The following GRM8 variants were observed in gnomAD, a reference collection of about 807,000 sequenced individuals.
GRM8 encodes the protein glutamate metabotropic receptor 8, also known as metabotropic glutamate receptor 8.
In GRM8, 47 loss-of-function variants were observed where a neutral mutation model predicts 87.2. The ratio of observed to expected loss-of-function variants is 0.54; its 90% CI spans 0.43 to 0.69. The LOEUF is 0.69. Ranked by LOEUF, GRM8 falls within the 30% of genes least tolerant of loss-of-function variation. GRM8 has a pLI of 0.00. For synonymous variants in GRM8, 396 were observed against 404.5 expected (o/e 0.98, Z 0.25); for missense variants, 1,019 against 1,139.2 (o/e 0.89, Z 1.52).
intron 7 of GRM8, among the ~76,000 whole-genome samples, chr7:126,674,520 T>C (rs2151314783): frequency 6.6e-6 from 1 of 152,322 alleles, no homozygotes; most frequent in African/African-American, 2.4e-5. Flanking sequence ...CTAAGAAATC[T>C]ATTATACTAT....
intron 7 of GRM8, among the ~76,000 whole-genome samples, chr7:126,662,572 A>G (rs974901643): frequency 3.9e-5 from 6 of 152,204 alleles, no homozygotes; most frequent in African/African-American, 7.2e-5. Context: ...AAAGAGATCA[A>G]TAGGAATCTC....
chr7:126,450,679 G>C (rs1195224691), intron 9 of GRM8, among the ~76,000 whole-genome samples: 1 of 151,568 alleles, frequency 6.6e-6, no homozygotes, highest in East Asian at 1.9e-4. Context: ...TTGTCCTGTG[G>C]GTGGTAACAC....
At chr7:127,069,690 T>C (rs779790899) in intron 3 of GRM8, among the ~76,000 whole-genome samples, 4 of 152,214 alleles carry the variant, frequency 2.6e-5, no homozygotes, top group South Asian at 2.1e-4. Flanking sequence ...TGATATTCTA[T>C]ATGCTGATTT....
At chr7:127,091,387 G>A (rs978283941) in intron 3 of GRM8, among the ~76,000 whole-genome samples, 1 of 122,244 alleles carries the variant, frequency 8.2e-6, no homozygotes, top group African/African-American at 3.2e-5. Flanking sequence ...CCATCCCACT[G>A]GTCATCCCCC....
chr7:126,445,944 C>G (rs1349367140), intron 10 of GRM8, 182 bp downstream of exon 10: 1 of 669,382 alleles, frequency 1.5e-6, no homozygotes, highest in East Asian at 2.6e-5. Context: ...GTAGAACAGC[C>G]GCTCATCTTG....
intron 7 of GRM8, chr7:126,701,876 C>CTA (rs1314956647): frequency 1.4e-6 from 1 of 726,196 alleles, no homozygotes; most frequent in Admixed American, 2.3e-5. Context: ...GAGTTAATGA[C>CTA]TATATGCCTG....
intron 8 of GRM8, among the ~76,000 whole-genome samples, chr7:126,537,778 A>AC (rs1422886895): frequency 8.5e-5 from 13 of 152,122 alleles, no homozygotes; most frequent in African/African-American, 2.9e-4. Context: ...CTCCGTCAAA[A>AC]AAAACAAACA....
At chr7:127,029,259 T>C (rs533718982) in intron 3 of GRM8, among the ~76,000 whole-genome samples, 6 of 152,316 alleles carry the variant, frequency 3.9e-5, no homozygotes, top group East Asian at 1.9e-4. Context: ...CTTCCAATTA[T>C]GTGGTCAATT....
At chr7:126,679,447 G>A (rs940065576) in intron 7 of GRM8, among the ~76,000 whole-genome samples, 9 of 152,160 alleles carry the variant, frequency 5.9e-5, no homozygotes, top group Non-Finnish European at 1.3e-4. Context: ...AGACCTTTTA[G>A]TATAATGTTC....
chr7:127,203,598 C>T (rs987392831), intron 2 of GRM8, among the ~76,000 whole-genome samples: 3 of 152,096 alleles, frequency 2.0e-5, no homozygotes, highest in African/African-American at 7.2e-5. Flanking sequence ...ATCCCAGCTA[C>T]TTGGGAGGCT....
rs17865137 is a variant in GRM8, at chr7:127,082,683, G to A, written c.727+23813C>T. On this transcript the variant is annotated intron_variant, in intron 3 of 10. Transcript: ENST00000339582. ...TGTTATTAGTCATTAACACTACTGC[G>A]TAAATGTTTCCTCGATTATAATAAT... Among the ~76,000 whole-genome samples the A allele has an allele frequency of 4.7e-4, 72 of 152,208 alleles. No homozygotes were observed. The South Asian group carries it at 6.9e-3, about 14-fold the overall frequency.
chr7:126,461,298 C>A (rs573378156), intron 9 of GRM8, among the ~76,000 whole-genome samples: 13 of 151,646 alleles, frequency 8.6e-5, no homozygotes, highest in Middle Eastern at 3.4e-3. Flanking sequence ...TATTGAAAAT[C>A]ACTCAATTCT....
intron 3 of GRM8, among the ~76,000 whole-genome samples, chr7:126,997,565 G>A (rs1010182054): frequency 2.1e-5 from 3 of 145,434 alleles, no homozygotes; most frequent in Non-Finnish European, 4.5e-5. Context: ...AAAAAGAGAC[G>A]ATCCAAACAA....
At chr7:126,887,227 C>T (rs540190591) in intron 6 of GRM8, among the ~76,000 whole-genome samples, 2 of 152,062 alleles carry the variant, frequency 1.3e-5, no homozygotes, top group Non-Finnish European at 2.9e-5. Context: ...TGATAGCTTC[C>T]ATAAAGACAA....
chr7:126,456,599 G>A (rs1297592648), intron 9 of GRM8, among the ~76,000 whole-genome samples: 1 of 145,826 alleles, frequency 6.9e-6, no homozygotes, highest in African/African-American at 2.6e-5. Context: ...GGTCCATGGA[G>A]GAGAATGATT....
intron 9 of GRM8, among the ~76,000 whole-genome samples, chr7:126,484,898 A>G (rs1467741186): frequency 1.3e-5 from 2 of 151,374 alleles, no homozygotes; most frequent in Admixed American, 6.6e-5. Flanking sequence ...TTTTTTGAAA[A>G]CTTTTTATTG....
At chr7:127,244,610 A>G (rs577058507) in intron 1 of GRM8, among the ~76,000 whole-genome samples, 7 of 152,316 alleles carry the variant, frequency 4.6e-5, no homozygotes, top group African/African-American at 1.7e-4. Flanking sequence ...CTATTTATAT[A>G]TGGGTTTGAA....
At chr7:127,203,770 A>G (rs539438655) in intron 2 of GRM8, among the ~76,000 whole-genome samples, 1 of 151,716 alleles carries the variant, frequency 6.6e-6, no homozygotes, top group African/African-American at 2.4e-5. Context: ...TGAAACCTCA[A>G]AAAAAAGGGG....
intron 6 of GRM8, among the ~76,000 whole-genome samples, chr7:126,832,587 T>G (rs994073186): frequency 6.6e-6 from 1 of 152,222 alleles, no homozygotes; most frequent in African/African-American, 2.4e-5. Context: ...GACTTACACA[T>G]TATGTCATCA....
Sources: allele counts gnomAD v4.1 joint callset (sites outside exome capture counted in the v4.1 genomes callset), GRCh38; gene constraint gnomAD v4.1.1; transcripts MANE v1.5; gene names NCBI Gene and HGNC (gene_info 2026-07-23, HGNC 2026-07-21).